The following PHF23 variants were observed in gnomAD, a reference collection of about 807,000 sequenced individuals.
The protein encoded by PHF23 is PHD finger protein 23.
PHF23 carries 3 observed loss-of-function variants against 36.0 expected under a neutral mutation model. That is an observed-to-expected ratio of 0.08 (90% CI 0.04 to 0.22). The LOEUF is 0.22. Ranked by LOEUF, PHF23 falls within the 10% of genes least tolerant of loss-of-function variation. The pLI is 1.00. For synonymous variants in PHF23, 242 were observed against 192.5 expected (o/e 1.26, Z -2.13); for missense variants, 475 against 513.6 (o/e 0.92, Z 0.73).
At chr17:7,237,875 G>A (rs1412500038) in intron 1 of PHF23, 5 of 589,178 alleles carry the variant, frequency 8.5e-6, no homozygotes, top group Non-Finnish European at 1.5e-5. Context: ...TCGCTATAGC[G>A]CTCCCCTTCC....
Position 7,236,754 on chromosome 17 carries a change from G to A in PHF23, c.173C>T (p.Pro58Leu), listed in dbSNP as rs2071678582. The A allele has an allele frequency of 6.2e-7, 1 of 1,611,030 alleles. No homozygotes were observed. Among genetic ancestry groups the A allele is most frequent in the Admixed American group, 1.7e-5 (1 of 59,894 alleles). ...CAATGGAGAGCTGGAGCCAGAGGCTGGCCAGTCACTTTCCTTAAAAGGGGG... is the reference window on the plus strand; with the variant it reads ...CAATGGAGAGCTGGAGCCAGAGGCTAGCCAGTCACTTTCCTTAAAAGGGGG... ...IPPSKEESDW[P>L]ASGSSSPLRG... Residue 58 changes from proline (P) to leucine (L), a missense_variant, in exon 4 of 5, where the codon CCA (proline) becomes CTA (leucine). Around this residue, in one of 5 missense-constraint regions of PHF23, gnomAD observed 350 missense variants for 319.8 expected, o/e 1.09. Transcript: ENST00000320316. The surrounding 1 kb of genome is among the most constrained non-coding windows in gnomAD (Gnocchi z 5.1).
chr17:7,236,589 C>T lies in PHF23; in HGVS notation c.338G>A (p.Arg113Lys). The T allele has an allele frequency of 1.9e-6, 3 of 1,614,152 alleles. No homozygotes were observed. Among genetic ancestry groups the T allele is most frequent in the Non-Finnish European group, 2.5e-6 (3 of 1,180,022 alleles). ...QAGPTQPGPP[R>K]STFSRLQAPD... ...GGCCTGCAGACGAGAGAAAGTGGAC[C>T]TTGGGGGTCCTGGCTGGGTGGGACC... Residue 113 changes from arginine to lysine, a missense_variant, in exon 4 of 5, where the codon AGG (arginine) becomes AAG (lysine). Arg to Lys is a conservative substitution (Grantham distance 26, BLOSUM62 2). This residue lies in a region of PHF23 where 350 missense variants were observed against 319.8 expected (regional missense o/e 1.09). Coordinates refer to ENST00000320316, the MANE Select transcript of PHF23 (RefSeq NM_024297.3). The surrounding 1 kb of genome is among the most constrained non-coding windows in gnomAD (Gnocchi z 5.1).
intron 1 of PHF23, chr17:7,238,833 C>G (rs964097363): frequency 6.5e-7 from 1 of 1,534,186 alleles, no homozygotes; most frequent in South Asian, 1.2e-5. Flanking sequence ...ACTCGGAGCT[C>G]CGGTACCACC....
chr17:7,239,858 A>T (rs937470494), upstream of PHF23: 3 of 152,350 alleles, frequency 2.0e-5, no homozygotes, highest in Admixed American at 6.5e-5. Context: ...CTTTCTCCCC[A>T]GGAGGACCGC....
upstream of PHF23, chr17:7,240,583 G>A (rs1044481722): frequency 5.3e-6 from 2 of 375,094 alleles, no homozygotes; most frequent in Admixed American, 4.4e-5. Context: ...AACAATCACT[G>A]GATGTGACAC....
At chr17:7,237,510 G>T in intron 2 of PHF23, 33 bp from the exon 3 acceptor site, 1 of 1,608,438 alleles carries the variant, frequency 6.2e-7, no homozygotes, top group Non-Finnish European at 8.5e-7. Flanking sequence ...CACATGCAAA[G>T]CCACACAGTT....
chr17:7,238,185 C>T, intron 1 of PHF23: 1 of 162,280 alleles, frequency 6.2e-6, no homozygotes, highest in Non-Finnish European at 1.3e-5. Flanking sequence ...GCCCGGCGCG[C>T]CCCTCACCCC....
Position 7,239,286 on chromosome 17 carries a change from C to CA in PHF23, c.-8_-7insT. 6.9e-7 allele frequency: 1 copy of CA among 1,442,052 alleles called. No homozygotes were observed. Among genetic ancestry groups the CA allele is most frequent in the Non-Finnish European group, 9.6e-7 (1 of 1,037,494 alleles). 89.3% of individuals were successfully genotyped at this position (1,442,052 alleles called of 1,614,324 possible). A position where few individuals can be genotyped will look rare whatever the true frequency, so the allele number is the denominator to read the frequency against. On this transcript the variant is annotated 5_prime_UTR_variant, in exon 1 of 5. In the 5' UTR this introduces an upstream ATG that the reference lacks. Coordinates refer to ENST00000320316, the MANE Select transcript of PHF23 (RefSeq NM_024297.3). ...CCGCCATGGCTTCCAGCATCGCCCCCTCCCCTCCTCCCGGTCCGGCGCCCC... is the reference window on the plus strand; with the variant it reads ...CCGCCATGGCTTCCAGCATCGCCCCCATCCCCTCCTCCCGGTCCGGCGCCCC...
rs2071711500 is a variant in PHF23, at chr17:7,238,054, C to T, written c.35-394G>A. On this transcript the variant is annotated intron_variant, in intron 1 of 4. Transcript: ENST00000320316. ...GCGCCCGGAGCCCCGAGTTCCTACC[C>T]GGCCGCGCTCCACCGCCTCGGGCCC... The T allele has an allele frequency of 1.9e-5, 4 of 214,842 alleles. 1 individual carries two copies. In the South Asian group the frequency reaches 2.8e-4, roughly 15 times the overall value. The allele number at this position is 214,842 out of a possible 1,614,324, so 13.3% of individuals were successfully genotyped here.
chr17:7,239,180 A>C, intron 1 of PHF23, 66 bp downstream of exon 1: 1 of 1,192,838 alleles, frequency 8.4e-7, no homozygotes, highest in South Asian at 1.3e-5. Flanking sequence ...TCGACCTCCA[A>C]GTTTGCCAAT....
Position 7,237,617 on chromosome 17 carries a change from G to C in PHF23, c.66+12C>G. On this transcript the variant is annotated intron_variant, in intron 2 of 4. Coordinates refer to ENST00000320316, the MANE Select transcript of PHF23 (RefSeq NM_024297.3). Reference sequence around the variant, plus strand: ...CAGGGCTACTAGGCTGCAAAGGTAAGGCAAACCTCACCTGAGTCTCTGGCT... The same window carrying C: ...CAGGGCTACTAGGCTGCAAAGGTAACGCAAACCTCACCTGAGTCTCTGGCT... 1.2e-6 allele frequency: 2 copies of C among 1,614,000 alleles called. No individual in the cohort carries two copies. The highest frequency in any genetic ancestry group is 1.7e-6 in the Non-Finnish European group (2 of 1,179,966).
intron 2 of PHF23, 60 bp downstream of exon 2, chr17:7,237,569 G>C: frequency 6.2e-7 from 1 of 1,607,854 alleles, no homozygotes; most frequent in Admixed American, 1.7e-5. Flanking sequence ...GTCTAGAAAA[G>C]GGGGGCGGGG....
chr17:7,239,261 C>G lies in PHF23; in HGVS notation c.19G>C (p.Glu7Gln). ...GAGAGCTCACCTTCGGGACTGGGCT[C>G]CGCCATGGCTTCCAGCATCGCCCCC... MLEAMA[E>Q]PSPEDPPPTL... Residue 7 changes from glutamate to glutamine, a missense_variant, in exon 1 of 5, where the codon GAG (glutamate) becomes CAG (glutamine). Around this residue, in one of 5 missense-constraint regions of PHF23, gnomAD observed 54 missense variants for 42.0 expected, o/e 1.28. Transcript: ENST00000320316. 1 of 1,545,492 alleles carries G rather than the reference C, an allele frequency of 6.5e-7. No homozygotes were observed. Among genetic ancestry groups the G allele is most frequent in the South Asian group, 1.2e-5 (1 of 86,750 alleles).
At chr17:7,238,163 C>G (rs1212572203) in intron 1 of PHF23, 1 of 166,450 alleles carries the variant, frequency 6.0e-6, no homozygotes, top group Non-Finnish European at 1.3e-5. Flanking sequence ...GCCCCTTCTA[C>G]TCGAGCACGC....
Position 7,236,505 on chromosome 17 carries a change from T to A in PHF23, c.422A>T (p.Asp141Val), listed in dbSNP as rs2071673359. The stretch of plus-strand genomic sequence containing the variant: ...CAAAGGAGATGCCACTTTGGGCCCA[T>A]CCAGATCAAAGAGAGAGTCCTTGAG... Reference protein sequence around the residue: ...MKLKDSLFDLDGPKVASPLSP... With the variant: ...MKLKDSLFDLVGPKVASPLSP... Residue 141 changes from aspartate (D) to valine (V), a missense_variant, in exon 4 of 5, where the codon GAT becomes GTT. By Grantham distance (152) the Asp-to-Val change is radical (BLOSUM62 -3). Around this residue, in one of 5 missense-constraint regions of PHF23, gnomAD observed 350 missense variants for 319.8 expected, o/e 1.09. Coordinates refer to ENST00000320316, the MANE Select transcript of PHF23 (RefSeq NM_024297.3). This position sits in a 1 kb window ranked among gnomAD's most constrained non-coding sequence, Gnocchi z 5.1. 6.2e-7 allele frequency: 1 copy of A among 1,613,922 alleles called. No homozygotes were observed.
Position 7,237,492 on chromosome 17 carries a change from A to ATATG in PHF23, c.67-19_67-16dup. On this transcript the variant is annotated splice_polypyrimidine_tract_variant and intron_variant, in intron 2 of 4. Transcript: ENST00000320316. ...TTCTCTGGTGGCTGAAAGGAAGGAG[A>ATATG]TATGGATCACATGCAAAGCCACACA... is the stretch of plus-strand genomic sequence containing the variant. The ATATG allele has an allele frequency of 1.2e-6, 2 of 1,612,354 alleles. No homozygotes were observed. Among genetic ancestry groups the ATATG allele is most frequent in the Non-Finnish European group, 1.7e-6 (2 of 1,178,502 alleles).
Position 7,235,392 on chromosome 17 carries a change from G to GCC in PHF23, c.*233_*234insGG. ...GTCCAAGAGACAGAGATTATGTGTC[G>GCC]GGACACAGACAGCCTCCCATCCCCA... On this transcript the variant is annotated 3_prime_UTR_variant, in exon 5 of 5. Coordinates refer to ENST00000320316, the MANE Select transcript of PHF23 (RefSeq NM_024297.3). The GCC allele has an allele frequency of 9.1e-5, 50 of 546,516 alleles. No individual in the cohort carries two copies. Among genetic ancestry groups the GCC allele is most frequent in the Admixed American group, 2.2e-4 (7 of 32,046 alleles). 33.9% of individuals were successfully genotyped at this position (546,516 alleles called of 1,614,324 possible).
rs765512887 is a variant in PHF23, at chr17:7,235,892, A to G, written c.997+38T>C. On this transcript the variant is annotated intron_variant, in intron 4 of 4. Transcript: ENST00000320316. ...TTCTGCCTGAGCTGTTGGATCCACA[A>G]CACCCTCAAACCCCTCGCCCCAGCC... 3.1e-6 allele frequency: 5 copies of G among 1,612,874 alleles called. No homozygotes were observed. The South Asian group carries it at 3.3e-5, about 11-fold the overall frequency.
chr17:7,237,925 G>A (rs1312952532), intron 1 of PHF23: 1 of 501,822 alleles, frequency 2.0e-6, no homozygotes, highest in African/African-American at 2.2e-5. Context: ...CCAACTCACG[G>A]TCTCTCTCGA....
Sources: allele counts gnomAD v4.1 joint callset, GRCh38; gene constraint gnomAD v4.1.1; regional missense constraint gnomAD v4.1.1; non-coding constraint Gnocchi (gnomAD v3.1); transcripts MANE v1.5; gene names NCBI Gene and HGNC (gene_info 2026-07-23, HGNC 2026-07-21).